The following PCBP3 variants were observed in gnomAD, a reference collection of about 807,000 sequenced individuals.
PCBP3 encodes poly(rC)-binding protein 3.
In PCBP3, 25 loss-of-function variants were observed where a neutral mutation model predicts 52.7. The ratio of observed to expected loss-of-function variants is 0.47; its 90% CI spans 0.35 to 0.66. The LOEUF (loss-of-function observed/expected upper bound fraction) is 0.66, where lower values mean the gene tolerates loss of function less well. Among genes scored for constraint, PCBP3 ranks in the 30% least tolerant of loss-of-function variants. The pLI, the probability that PCBP3 is intolerant of heterozygous loss-of-function variation, is 0.01. For synonymous variants in PCBP3, 162 were observed against 183.0 expected, an observed-to-expected ratio of 0.89 and a Z score of 0.93; for missense variants, 391 against 490.3, an observed-to-expected ratio of 0.80 and a Z score of 1.91.
chr21:45,909,523 C>T, intron 10 of PCBP3, 37 bp downstream of exon 10: 2 of 1,602,556 alleles, frequency 1.2e-6, no homozygotes, highest in South Asian at 1.1e-5. Context: ...GCTGCGGAGC[C>T]TCTAGGCGGG....
chr21:45,665,451 A>G (rs1294989665), intron 1 of PCBP3, among the ~76,000 whole-genome samples: 11 of 152,126 alleles, frequency 7.2e-5, no homozygotes, highest in African/African-American at 2.7e-4. Context: ...TTAATTTTGT[A>G]TCCCGAAACT....
chr21:45,816,488 T>C (rs868609251), intron 4 of PCBP3, among the ~76,000 whole-genome samples: 72 of 12,698 alleles, frequency 5.7e-3, no homozygotes, highest in Non-Finnish European at 6.8e-3. Flanking sequence ...CTCCCCCTCC[T>C]CCTCCCCTTC....
chr21:45,709,027 C>T (rs2083646196), intron 2 of PCBP3, among the ~76,000 whole-genome samples: 1 of 152,184 alleles, frequency 6.6e-6, no homozygotes, highest in Non-Finnish European at 1.5e-5. Context: ...AGCGGCAGAA[C>T]TTTTGGACAA....
chr21:45,826,021 C>T (rs1219246318), intron 4 of PCBP3, among the ~76,000 whole-genome samples: 1 of 152,158 alleles, frequency 6.6e-6, no homozygotes. Context: ...CCTGTAATCC[C>T]AGCATTTTGG....
At chr21:45,936,162 A>G (rs2076871360) in intron 16 of PCBP3, among the ~76,000 whole-genome samples, 1 of 152,202 alleles carries the variant, frequency 6.6e-6, no homozygotes, top group South Asian at 2.1e-4. Context: ...AGTTGACCAT[A>G]GGAAGCACAG....
intron 1 of PCBP3, among the ~76,000 whole-genome samples, chr21:45,664,516 A>G (rs1006801267): frequency 6.6e-6 from 1 of 151,786 alleles, no homozygotes; most frequent in African/African-American, 2.4e-5. Flanking sequence ...TACAGGATAG[A>G]ATATTTCAAG....
chr21:45,831,408 CAA>C (rs59400163), intron 4 of PCBP3, among the ~76,000 whole-genome samples: 124 of 86,548 alleles, frequency 1.4e-3, no homozygotes, highest in African/African-American at 3.6e-3. Context: ...GATGCTGTCT[CAA>C]AAAAAAAAAA....
rs537434048 is a variant in PCBP3 at position 45,775,366 on chromosome 21, C to T, written c.-126+19914C>T. Among the ~76,000 whole-genome samples the T allele has an allele frequency of 4.7e-5, 7 of 150,414 alleles. No homozygotes were observed. The South Asian group carries it at 1.5e-3, about 32-fold the overall frequency. On this transcript the variant is annotated intron_variant, in intron 4 of 17. Coordinates refer to ENST00000681687, the MANE Select transcript of PCBP3 (RefSeq NM_001384156.1). Reference sequence around the variant, plus strand: ...CTGTGGTATCAGTTTAATTTAAATGCCTCCTTATTCATTTCTGATTTTGTT... The same window carrying T: ...CTGTGGTATCAGTTTAATTTAAATGTCTCCTTATTCATTTCTGATTTTGTT...
chr21:45,720,728 C>T (rs899321788), intron 2 of PCBP3, among the ~76,000 whole-genome samples: 6 of 152,176 alleles, frequency 3.9e-5, no homozygotes, highest in African/African-American at 1.4e-4. Context: ...TTGACAGATG[C>T]TTCTCTTACC....
chr21:45,853,788 G>A lies in PCBP3; in HGVS notation c.10+3693G>A, dbSNP rs2094146479. ...AATTAAATACACACATACTTTGCAA[G>A]AGCATATGTGAGTAAGAGTCAGGCA... On this transcript the variant is annotated intron_variant, in intron 5 of 17. Transcript: ENST00000681687. The surrounding 1 kb of genome is among the most constrained non-coding windows in gnomAD (Gnocchi z 4.6). Among the ~76,000 whole-genome samples, 2 of 152,220 alleles carry A rather than the reference G, an allele frequency of 1.3e-5. No homozygotes were observed. Among genetic ancestry groups the A allele is most frequent in the East Asian group, 1.9e-4 (1 of 5,206 alleles).
At chr21:45,824,773 A>T (rs2093262186) in intron 4 of PCBP3, among the ~76,000 whole-genome samples, 1 of 152,154 alleles carries the variant, frequency 6.6e-6, no homozygotes, top group South Asian at 2.1e-4. Flanking sequence ...ATCCACCCGG[A>T]TTCACCCGCT....
intron 2 of PCBP3, among the ~76,000 whole-genome samples, chr21:45,674,263 A>C (rs1310643721): frequency 2.6e-5 from 4 of 152,182 alleles, no homozygotes; most frequent in Non-Finnish European, 5.9e-5. Flanking sequence ...ATTCATTGTA[A>C]GTTTTCTTCA....
intron 3 of PCBP3, among the ~76,000 whole-genome samples, chr21:45,739,886 T>A (rs924380398): frequency 1.3e-5 from 2 of 152,222 alleles, no homozygotes; most frequent in African/African-American, 4.8e-5. Context: ...CCTCCCAGTG[T>A]CCATGTGGTA....
chr21:45,834,961 G>T lies in PCBP3; in HGVS notation c.-125-15000G>T, dbSNP rs77345995. 5.3e-3 allele frequency among the ~76,000 whole-genome samples: 801 copies of T among 152,354 alleles called. 4 individuals are homozygous for T. The highest frequency in any genetic ancestry group is 0.018 in the African/African-American group (750 of 41,590). On this transcript the variant is annotated intron_variant, in intron 4 of 17. Coordinates refer to ENST00000681687, the MANE Select transcript of PCBP3 (RefSeq NM_001384156.1). Reference sequence around the variant, plus strand: ...AGCGCTGCTGGAAATGTCACTCTGCGCGGTGTCCACCCGTGCTCGGGGTGG... The same window carrying T: ...AGCGCTGCTGGAAATGTCACTCTGCTCGGTGTCCACCCGTGCTCGGGGTGG...
intron 4 of PCBP3, among the ~76,000 whole-genome samples, chr21:45,826,674 T>C (rs1445838193): frequency 6.6e-6 from 1 of 152,072 alleles, no homozygotes; most frequent in African/African-American, 2.4e-5. Context: ...TCAGGACCCA[T>C]GGGACGACAT....
chr21:45,734,499 G>A (rs148440528), intron 2 of PCBP3, among the ~76,000 whole-genome samples: 2 of 152,144 alleles, frequency 1.3e-5, no homozygotes, highest in East Asian at 3.9e-4. Flanking sequence ...CTGATGAGAC[G>A]GTGCTGCAGG....
In PCBP3 at chr21:45,850,951, A is replaced by G. The variant is rs1469639339; in HGVS notation, c.10+856A>G. 2.0e-5 allele frequency among the ~76,000 whole-genome samples: 3 copies of G among 152,274 alleles called. No individual in the cohort carries two copies. In the East Asian group the frequency reaches 5.8e-4, roughly 29 times the overall value. On this transcript the variant is annotated intron_variant, in intron 5 of 17. Transcript: ENST00000681687. ...TTAGAAATAAAATCATAAAAGAAAT[A>G]AAAGAACTTTAGGGCTGAGTGATTA...
intron 13 of PCBP3, among the ~76,000 whole-genome samples, chr21:45,929,091 C>T (rs180725096): frequency 6.6e-6 from 1 of 152,338 alleles, no homozygotes; most frequent in Admixed American, 6.5e-5. Flanking sequence ...CCATTATCTT[C>T]TGCTATTTTT....
chr21:45,816,630 C>T (rs2092972065), intron 4 of PCBP3, among the ~76,000 whole-genome samples: 2 of 150,008 alleles, frequency 1.3e-5, no homozygotes, highest in Admixed American at 6.7e-5. Context: ...CGCCTTGTCC[C>T]GCTGGAAGGT....
Sources: gnomAD v4.1 joint callset for allele counts (sites outside exome capture counted in the v4.1 genomes callset) on GRCh38, gnomAD v4.1.1 for gene constraint, Gnocchi (gnomAD v3.1) non-coding constraint, MANE v1.5 for transcripts, NCBI Gene and HGNC (gene_info 2026-07-23, HGNC 2026-07-21) for gene names.